Variants in UNC79 observed in about 807,000 individuals in gnomAD.
UNC79 encodes the protein unc-79 subunit of NALCN channel complex, also known as protein unc-79 homolog.
A neutral mutation model predicts 283.1 loss-of-function variants in UNC79; 37 were observed. The observed-to-expected ratio is 0.13, with a 90% CI of 0.10 to 0.17. The LOEUF (loss-of-function observed/expected upper bound fraction) is 0.17, where lower values mean the gene tolerates loss of function less well. UNC79 is among the 10% of genes least tolerant of loss of function. UNC79 has a pLI of 1.00. For missense variants in UNC79, 2,272 were observed against 3,211.1 expected (o/e 0.71, Z 7.07); for synonymous variants, 1,107 against 1,200.2 (o/e 0.92, Z 1.61).
intron 26 of UNC79, 124 bp from the exon 28 acceptor site, chr14:93,612,673 C>T: frequency 2.3e-6 from 3 of 1,317,648 alleles, no homozygotes; most frequent in Non-Finnish European, 3.1e-6. Context: ...TTCTTAAAGT[C>T]TGTCTGGAGC....
Position 93,695,890 on chromosome 14 carries a change from C to CAAAAAAAAAAAAAAAAA in UNC79, c.7548+1482_7548+1498dup, listed in dbSNP as rs535235954. ...TGGGCAACAGGATGAGACTTTGTCT[C>CAAAAAAAAAAAAAAAAA]AAAAAAAAAAAAAAAAAAAAGCAAA... On this transcript the variant is annotated intron_variant, in intron 47 of 48. Coordinates refer to ENST00000555664, the Ensembl canonical transcript of UNC79. Among the ~76,000 whole-genome samples the CAAAAAAAAAAAAAAAAA allele has an allele frequency of 7.8e-3, 309 of 39,384 alleles. 30 individuals carry two copies. Among genetic ancestry groups the CAAAAAAAAAAAAAAAAA allele is most frequent in the African/African-American group, 0.016 (152 of 9,416 alleles). 25.8% of individuals were successfully genotyped at this position (39,384 alleles called of 152,430 possible). A position where few individuals can be genotyped will look rare whatever the true frequency, so the allele number is the denominator to read the frequency against.
At chr14:93,543,888 AT>A (rs915051934) in intron 14 of UNC79, among the ~76,000 whole-genome samples, 1 of 152,190 alleles carries the variant, frequency 6.6e-6, no homozygotes, top group Non-Finnish European at 1.5e-5. Context: ...CAGACCATCT[AT>A]AGGGGTAACT....
chr14:93,532,508 C>A, intron 10 of UNC79, 42 bp from the exon 11 acceptor site: 1 of 1,593,402 alleles, frequency 6.3e-7, no homozygotes, highest in Middle Eastern at 1.7e-4. Flanking sequence ...ATTAGAGGGG[C>A]TCTCTTTCTT....
Position 93,561,249 on chromosome 14 carries a change from G to A in UNC79, c.1756-10645G>A, listed in dbSNP as rs574993689. On this transcript the variant is annotated intron_variant, in intron 14 of 48. Transcript: ENST00000555664. ...GGTCTTTGCTGAGAGATACATAAAG[G>A]AGCAGCCACAGGAAAAGTAGTTTTT... 2.0e-5 allele frequency among the ~76,000 whole-genome samples: 3 copies of A among 152,260 alleles called. No homozygotes were observed. In the South Asian group the frequency reaches 6.2e-4, roughly 32 times the overall value.
chr14:93,417,399 T>C (rs1479014727), intron 1 of UNC79, among the ~76,000 whole-genome samples: 5 of 152,224 alleles, frequency 3.3e-5, no homozygotes, highest in African/African-American at 4.8e-5. Flanking sequence ...CCGCTGTTAG[T>C]CTGATGGGCT....
chr14:93,480,717 ATGTG>A (rs1271575847), intron 4 of UNC79, among the ~76,000 whole-genome samples: 1 of 152,170 alleles, frequency 6.6e-6, no homozygotes, highest in Non-Finnish European at 1.5e-5. Flanking sequence ...TGATGTGAGA[ATGTG>A]TGTCCGTGTG....
chr14:93,484,296 A>G (rs2058298057), intron 4 of UNC79, among the ~76,000 whole-genome samples: 1 of 152,214 alleles, frequency 6.6e-6, no homozygotes, highest in South Asian at 2.1e-4. Context: ...AAAGTTGTTG[A>G]ATTTAATAAG....
At position 93,430,790 on chromosome 14, in the gene UNC79, T is replaced by G; in HGVS notation, c.-240T>G. ...CCAGGAGGGGACGGACAGGAAGCCTTTGGCCGCCTATTAAATCCCACCCAT... is the reference window on the plus strand; with the variant it reads ...CCAGGAGGGGACGGACAGGAAGCCTGTGGCCGCCTATTAAATCCCACCCAT... On this transcript the variant is annotated 5_prime_UTR_variant, in exon 1 of 49. Coordinates refer to ENST00000555664, the Ensembl canonical transcript of UNC79. This position sits in a 1 kb window ranked among gnomAD's most constrained non-coding sequence, Gnocchi z 4.6. The G allele has an allele frequency of 1.6e-5, 7 of 435,340 alleles. No homozygotes were observed. The highest frequency in any genetic ancestry group is 3.4e-5 in the Admixed American group (1 of 29,696). 27.0% of individuals were successfully genotyped at this position (435,340 alleles called of 1,614,324 possible).
chr14:93,675,236 T>A (rs953507265), intron 41 of UNC79, among the ~76,000 whole-genome samples: 1 of 152,186 alleles, frequency 6.6e-6, no homozygotes, highest in African/African-American at 2.4e-5. Context: ...AGGCATATCC[T>A]GATAATGTGC....
chr14:93,554,290 G>A (rs1475310471), intron 14 of UNC79, among the ~76,000 whole-genome samples: 1 of 151,356 alleles, frequency 6.6e-6, no homozygotes, highest in African/African-American at 2.4e-5. Flanking sequence ...GGAGGTTGCA[G>A]TGAGTTGAGA....
intron 47 of UNC79, among the ~76,000 whole-genome samples, chr14:93,695,902 A>AAAAAAAAAAAAAAAAAAAAAAAAAAAC (rs1344209641): frequency 6.7e-6 from 1 of 148,504 alleles, no homozygotes; most frequent in African/African-American, 2.5e-5. Flanking sequence ...AAAAAAAAAA[A>AAAAAAAAAAAAAAAAAAAAAAAAAAAC]AAAAAAAAGC....
chr14:93,616,557 A>G (rs2066745348), intron 27 of UNC79, among the ~76,000 whole-genome samples: 1 of 151,762 alleles, frequency 6.6e-6, no homozygotes. Flanking sequence ...TTTGGTAGAG[A>G]CAGGGTTTCG....
intron 23 of UNC79, among the ~76,000 whole-genome samples, chr14:93,595,341 C>T (rs1169735019): frequency 3.9e-5 from 6 of 152,218 alleles, no homozygotes; most frequent in Admixed American, 6.5e-5. Context: ...CCACCCACCT[C>T]GACCTCCTAA....
At chr14:93,533,069 T>C (rs914477844) in intron 11 of UNC79, among the ~76,000 whole-genome samples, 21 of 152,172 alleles carry the variant, frequency 1.4e-4, no homozygotes, top group African/African-American at 4.3e-4. Flanking sequence ...ATATTTCCTT[T>C]AGTTTTTTTT....
In UNC79 at chr14:93,595,429, G is replaced by T. The variant is rs193100888; in HGVS notation, c.3190+1592G>T. The stretch of plus-strand genomic sequence containing the variant: ...TTTCTATTCAAGAAATTTTAATGGG[G>T]TTTTTTTGAATGCCTAGAGAATAAA... On this transcript the variant is annotated intron_variant, in intron 23 of 48. Transcript: ENST00000555664. Among the ~76,000 whole-genome samples the T allele has an allele frequency of 1.1e-4, 17 of 152,130 alleles. No homozygotes were observed. In the East Asian group the frequency reaches 2.7e-3, roughly 24 times the overall value.
chr14:93,699,284 T>G (rs1054208644), intron 47 of UNC79, among the ~76,000 whole-genome samples: 1 of 152,192 alleles, frequency 6.6e-6, no homozygotes, highest in Non-Finnish European at 1.5e-5. Context: ...TGTGCCTTCT[T>G]TTGGATTAAG....
chr14:93,468,700 T>G lies in UNC79; in HGVS notation c.143+909T>G, dbSNP rs115074901. 3.0e-3 allele frequency among the ~76,000 whole-genome samples: 451 copies of G among 152,310 alleles called. 1 individual carries two copies. The highest frequency in any genetic ancestry group is 0.01 in the African/African-American group (428 of 41,576). On this transcript the variant is annotated intron_variant, in intron 2 of 48. Coordinates refer to ENST00000555664, the Ensembl canonical transcript of UNC79. Reference sequence around the variant, plus strand: ...AGCTGAATGCTTTGCGGATGGAAGCTTCATGCGATCAAGTCAGCTACGAAT... The same window carrying G: ...AGCTGAATGCTTTGCGGATGGAAGCGTCATGCGATCAAGTCAGCTACGAAT...
At chr14:93,367,973 C>T (rs556479124) in intron 1 of UNC79, among the ~76,000 whole-genome samples, 63 of 152,278 alleles carry the variant, frequency 4.1e-4, no homozygotes, top group Non-Finnish European at 7.2e-4. Flanking sequence ...ACACAGCATC[C>T]CAGTGACACA....
intron 42 of UNC79, among the ~76,000 whole-genome samples, chr14:93,683,724 C>T (rs1224297026): frequency 2.0e-5 from 3 of 151,562 alleles, no homozygotes; most frequent in African/African-American, 7.3e-5. Context: ...ACCAATAAGC[C>T]ATTAAAAATA....
Sources: allele counts gnomAD v4.1 joint callset (sites outside exome capture counted in the v4.1 genomes callset), GRCh38; gene constraint gnomAD v4.1.1; non-coding constraint Gnocchi (gnomAD v3.1); transcripts MANE v1.5; gene names NCBI Gene and HGNC (gene_info 2026-07-23, HGNC 2026-07-21).